The following ASTN2 variants were observed in gnomAD, a reference collection of about 807,000 sequenced individuals.
ASTN2 encodes the protein astrotactin-2.
In ASTN2, 54 loss-of-function variants were observed where a neutral mutation model predicts 139.8. The observed-to-expected ratio is 0.39, with a 90% CI of 0.31 to 0.48. ASTN2 has a LOEUF of 0.48. Ranked by LOEUF, ASTN2 falls within the 20% of genes least tolerant of loss-of-function variation. The pLI, the probability that ASTN2 is intolerant of heterozygous loss-of-function variation, is 0.95. For synonymous variants in ASTN2, 756 were observed against 719.5 expected (o/e 1.05, Z -0.81); for missense variants, 1,565 against 1,725.1 (o/e 0.91, Z 1.64).
chr9:116,740,094 G>A (rs967987195), intron 13 of ASTN2, among the ~76,000 whole-genome samples: 2 of 152,202 alleles, frequency 1.3e-5, no homozygotes, highest in Non-Finnish European at 2.9e-5. Flanking sequence ...GAGAAAAGAT[G>A]ATCTCCCTAA....
intron 1 of ASTN2, among the ~76,000 whole-genome samples, chr9:117,332,478 A>C (rs1206420007): frequency 6.6e-6 from 1 of 152,184 alleles, no homozygotes; most frequent in African/African-American, 2.4e-5. Flanking sequence ...CTGTGTGAGA[A>C]TCGCTTGAGC....
intron 20 of ASTN2, among the ~76,000 whole-genome samples, chr9:116,483,069 GGGCA>G (rs1849224892): frequency 6.6e-6 from 1 of 152,214 alleles, no homozygotes; most frequent in Non-Finnish European, 1.5e-5. Flanking sequence ...GGCCAGGCAA[GGGCA>G]GGGACCATGG....
At chr9:117,027,153 A>G (rs2132626573) in intron 6 of ASTN2, among the ~76,000 whole-genome samples, 1 of 152,336 alleles carries the variant, frequency 6.6e-6, no homozygotes, top group African/African-American at 2.4e-5. Flanking sequence ...CAAGTACTTT[A>G]GAAATATAAT....
At chr9:117,225,538 T>TGTAC (rs1832681714) in intron 2 of ASTN2, among the ~76,000 whole-genome samples, 1 of 19,500 alleles carries the variant, frequency 5.1e-5, no homozygotes, top group Non-Finnish European at 8.5e-5. Flanking sequence ...GCTGTATGTA[T>TGTAC]ATATATATAT....
chr9:116,912,435 A>G (rs540697888), intron 10 of ASTN2, among the ~76,000 whole-genome samples: 1 of 152,338 alleles, frequency 6.6e-6, no homozygotes, highest in East Asian at 1.9e-4. Context: ...GTGCTAAGAA[A>G]GTGGGAGCTC....
At chr9:116,615,884 A>T (rs1855827015) in intron 19 of ASTN2, among the ~76,000 whole-genome samples, 1 of 152,156 alleles carries the variant, frequency 6.6e-6, no homozygotes, top group African/African-American at 2.4e-5. Context: ...TAAAAAAAAT[A>T]AAAAATGAAG....
rs3747835 is a variant in ASTN2 at position 116,698,964 on chromosome 9, C to T, written c.2806+26807G>A. 1.7e-3 allele frequency: 2,680 copies of T among 1,614,140 alleles called. 3 individuals are homozygous for T. The highest frequency in any genetic ancestry group is 1.9e-3 in the Non-Finnish European group (2,201 of 1,180,024). On this transcript the variant is annotated intron_variant, in intron 16 of 22. Coordinates refer to ENST00000313400, the MANE Select transcript of ASTN2 (RefSeq NM_001365068.1). This position sits in a 1 kb window ranked among gnomAD's most constrained non-coding sequence, Gnocchi z 4.4. Reference sequence around the variant, plus strand: ...CCGCAAAGGCTTTTTGAAGGAAATCCGCCGCAGCCCCAGTGGCATTGATAG... The same window carrying T: ...CCGCAAAGGCTTTTTGAAGGAAATCTGCCGCAGCCCCAGTGGCATTGATAG...
At chr9:116,463,808 T>C (rs1405838959) in intron 20 of ASTN2, among the ~76,000 whole-genome samples, 2 of 152,154 alleles carry the variant, frequency 1.3e-5, no homozygotes, top group African/African-American at 2.4e-5. Context: ...ATCTGTCTGT[T>C]TGTTTTCTTG....
At chr9:117,104,986 C>T (rs1587968266) in intron 4 of ASTN2, among the ~76,000 whole-genome samples, 1 of 152,256 alleles carries the variant, frequency 6.6e-6, no homozygotes. Context: ...ACCAATCTAG[C>T]TTAACTCACT....
intron 3 of ASTN2, chr9:117,180,963 C>T: frequency 6.3e-7 from 1 of 1,597,478 alleles, no homozygotes; most frequent in South Asian, 1.1e-5. Flanking sequence ...CAATGTGAAC[C>T]CTGGTCACAG....
chr9:117,334,483 G>GATTTT, intron 1 of ASTN2, among the ~76,000 whole-genome samples: 1 of 148,860 alleles, frequency 6.7e-6, no homozygotes, highest in Non-Finnish European at 1.5e-5. Flanking sequence ...GTATATCAGG[G>GATTTT]CTTTTTTTTT....
chr9:117,365,000 A>ACACAC lies in ASTN2; in HGVS notation c.442+49496_442+49497insGTGTG, dbSNP rs1564167766. On this transcript the variant is annotated intron_variant, in intron 1 of 22. Transcript: ENST00000313400. ...ACACACACACACACACACACACACA[A>ACACAC]AATCAGCCATGCATTATGGCATGCA... 1.9e-3 allele frequency among the ~76,000 whole-genome samples: 181 copies of ACACAC among 96,300 alleles called. 3 individuals are homozygous for ACACAC. Among genetic ancestry groups the ACACAC allele is most frequent in the East Asian group, 4.3e-3 (11 of 2,576 alleles). 63.2% of individuals were successfully genotyped at this position (96,300 alleles called of 152,430 possible).
chr9:116,581,210 T>C (rs966653626), intron 19 of ASTN2, among the ~76,000 whole-genome samples: 1 of 152,148 alleles, frequency 6.6e-6, no homozygotes, highest in Non-Finnish European at 1.5e-5. Context: ...CTATCATGGA[T>C]ATTTTGCCAT....
At chr9:117,264,068 A>C (rs1833887189) in intron 2 of ASTN2, among the ~76,000 whole-genome samples, 1 of 152,154 alleles carries the variant, frequency 6.6e-6, no homozygotes, top group South Asian at 2.1e-4. Flanking sequence ...ATATTTAAAA[A>C]TAAAATTAAA....
At chr9:116,954,658 AT>A (rs779794782) in intron 10 of ASTN2, among the ~76,000 whole-genome samples, 4 of 151,746 alleles carry the variant, frequency 2.6e-5, no homozygotes, top group Non-Finnish European at 5.9e-5. Context: ...ATAAAACTTT[AT>A]TTATTAAAAA....
intron 1 of ASTN2, among the ~76,000 whole-genome samples, chr9:117,338,247 T>C (rs1828950295): frequency 6.6e-6 from 1 of 152,158 alleles, no homozygotes; most frequent in Admixed American, 6.5e-5. Context: ...ACAACTAGTG[T>C]CCTGATCCAA....
At chr9:117,218,627 G>A (rs1832411073) in intron 2 of ASTN2, among the ~76,000 whole-genome samples, 1 of 152,174 alleles carries the variant, frequency 6.6e-6, no homozygotes, top group Admixed American at 6.5e-5. Flanking sequence ...ATTGGACACA[G>A]TCTCAGAGCA....
intron 12 of ASTN2, among the ~76,000 whole-genome samples, chr9:116,807,603 G>A (rs1236236117): frequency 1.3e-5 from 2 of 152,164 alleles, no homozygotes; most frequent in Non-Finnish European, 2.9e-5. Context: ...TACAGTTGCA[G>A]TGCAGATGAA....
chr9:116,838,111 G>T (rs13289495), intron 11 of ASTN2, among the ~76,000 whole-genome samples: 115,724 of 141,208 alleles, frequency 0.82, 47,534 homozygotes, highest in Middle Eastern at 0.93. Flanking sequence ...GTTTTTTTTT[G>T]TTTTGTTTTG....
Sources: gnomAD v4.1 joint callset for allele counts (sites outside exome capture counted in the v4.1 genomes callset) on GRCh38, gnomAD v4.1.1 for gene constraint, Gnocchi (gnomAD v3.1) non-coding constraint, MANE v1.5 for transcripts, NCBI Gene and HGNC (gene_info 2026-07-23, HGNC 2026-07-21) for gene names.